The following PDE4D variants were observed in gnomAD, a reference collection of about 807,000 sequenced individuals.
PDE4D encodes 3',5'-cyclic-AMP phosphodiesterase 4D.
A neutral mutation model predicts 87.4 loss-of-function variants in PDE4D; 24 were observed. The observed-to-expected ratio is 0.27, with a 90% CI of 0.20 to 0.39. The LOEUF (loss-of-function observed/expected upper bound fraction) is 0.39, where lower values mean the gene tolerates loss of function less well. Among genes scored for constraint, PDE4D ranks in the 10% least tolerant of loss-of-function variants. The pLI, the probability that PDE4D is intolerant of heterozygous loss-of-function variation, is 1.00. For synonymous variants in PDE4D, 384 were observed against 383.2 expected, an observed-to-expected ratio of 1.00 and a Z score of -0.02; for missense variants, 714 against 1,041.0, an observed-to-expected ratio of 0.69 and a Z score of 4.32.
At chr5:59,876,204 G>A (rs951902320) in intron 1 of PDE4D, among the ~76,000 whole-genome samples, 7 of 152,012 alleles carry the variant, frequency 4.6e-5, no homozygotes, top group Non-Finnish European at 8.8e-5. Context: ...TATTTTCCAC[G>A]GTCTGTTGAA....
intron 2 of PDE4D, among the ~76,000 whole-genome samples, chr5:60,166,613 A>G (rs1782924494): frequency 2.0e-5 from 3 of 152,206 alleles, no homozygotes; most frequent in Non-Finnish European, 4.4e-5. Flanking sequence ...AAATTTGACT[A>G]TGTACTTTTA....
intron 1 of PDE4D, among the ~76,000 whole-genome samples, chr5:59,616,591 T>C (rs190112745): frequency 6.6e-6 from 1 of 152,218 alleles, no homozygotes; most frequent in South Asian, 2.1e-4. Flanking sequence ...TCTGTGATAA[T>C]GTCATGCTCC....
intron 1 of PDE4D, among the ~76,000 whole-genome samples, chr5:60,387,168 C>A (rs770728347): frequency 4.0e-4 from 61 of 152,168 alleles, no homozygotes; most frequent in Non-Finnish European, 7.8e-4. Flanking sequence ...TGATCTGTTA[C>A]AGAAAAAGCA....
intron 2 of PDE4D, among the ~76,000 whole-genome samples, chr5:60,149,520 T>C (rs541207261): frequency 6.6e-6 from 1 of 152,270 alleles, no homozygotes; most frequent in East Asian, 1.9e-4. Context: ...ACTCAAACCA[T>C]AGCAAACATA....
At chr5:59,556,218 G>C (rs1043363853) in intron 1 of PDE4D, among the ~76,000 whole-genome samples, 1 of 152,164 alleles carries the variant, frequency 6.6e-6, no homozygotes, top group Non-Finnish European at 1.5e-5. Flanking sequence ...CTGCACATCT[G>C]AGACAGAGTA....
intron 5 of PDE4D, among the ~76,000 whole-genome samples, chr5:59,143,535 C>A (rs1048853905): frequency 9.2e-5 from 14 of 152,170 alleles, no homozygotes; most frequent in Non-Finnish European, 2.1e-4. Flanking sequence ...CATCCATCTG[C>A]AAGCATAGCA....
intron 1 of PDE4D, among the ~76,000 whole-genome samples, chr5:59,290,389 T>C (rs2153554798): frequency 6.6e-6 from 1 of 152,126 alleles, no homozygotes. Flanking sequence ...AGAAGGAAAC[T>C]AGACTTCTAT....
At chr5:60,328,467 T>C (rs1757006648) in intron 1 of PDE4D, among the ~76,000 whole-genome samples, 1 of 152,246 alleles carries the variant, frequency 6.6e-6, no homozygotes, top group East Asian at 1.9e-4. Flanking sequence ...TATTCATCTA[T>C]ATTGTTGCCT....
At chr5:59,695,483 T>C (rs1196146880) in intron 1 of PDE4D, among the ~76,000 whole-genome samples, 1 of 152,234 alleles carries the variant, frequency 6.6e-6, no homozygotes, top group African/African-American at 2.4e-5. Flanking sequence ...AGGCCAATGG[T>C]CAAGTCACTC....
At chr5:59,330,303 G>A (rs35255) in intron 1 of PDE4D, among the ~76,000 whole-genome samples, 86,491 of 151,878 alleles carry the variant, frequency 0.57, 25,034 homozygotes, top group East Asian at 0.68. Flanking sequence ...GAAATATATA[G>A]TTGAAGCCAA....
At chr5:59,689,609 A>G (rs1323162696) in intron 1 of PDE4D, among the ~76,000 whole-genome samples, 1 of 152,202 alleles carries the variant, frequency 6.6e-6, no homozygotes, top group Non-Finnish European at 1.5e-5. Flanking sequence ...CCCACAGCCA[A>G]TATCATACTG....
At chr5:59,559,698 C>T (rs1262830056) in intron 1 of PDE4D, among the ~76,000 whole-genome samples, 1 of 151,972 alleles carries the variant, frequency 6.6e-6, no homozygotes, top group Admixed American at 6.6e-5. Context: ...TTAAAGACTT[C>T]CTGATTAGAA....
At chr5:59,737,932 A>C (rs985924102) in intron 1 of PDE4D, among the ~76,000 whole-genome samples, 5 of 152,170 alleles carry the variant, frequency 3.3e-5, no homozygotes, top group African/African-American at 1.2e-4. Flanking sequence ...AGACAAAGCT[A>C]TATTTCTCAA....
rs138496889 is a variant in PDE4D, at chr5:59,295,471, T to C, written c.456-79503A>G. 4.8e-3 allele frequency among the ~76,000 whole-genome samples: 734 copies of C among 152,260 alleles called. 12 individuals are homozygous for C. Among genetic ancestry groups the C allele is most frequent in the African/African-American group, 0.017 (701 of 41,548 alleles). On this transcript the variant is annotated intron_variant, in intron 1 of 14. Coordinates refer to ENST00000340635, the MANE Select transcript of PDE4D (RefSeq NM_001104631.2). ...GATAGACTTGTCCTCATCTTTAACCTCCTACTGTTCTTCTAGGTTATCCAG... is the reference window on the plus strand; with the variant it reads ...GATAGACTTGTCCTCATCTTTAACCCCCTACTGTTCTTCTAGGTTATCCAG...
intron 1 of PDE4D, among the ~76,000 whole-genome samples, chr5:60,234,541 C>T (rs775029277): frequency 4.6e-5 from 7 of 151,758 alleles, no homozygotes; most frequent in East Asian, 1.9e-4. Context: ...AAAGAGACTG[C>T]GCTATTTTAT....
intron 1 of PDE4D, among the ~76,000 whole-genome samples, chr5:60,471,655 C>CA (rs1747819098): frequency 1.3e-5 from 2 of 152,112 alleles, no homozygotes; most frequent in Non-Finnish European, 2.9e-5. Flanking sequence ...TCTCCACCAG[C>CA]AAAAAAATTA....
intron 1 of PDE4D, among the ~76,000 whole-genome samples, chr5:59,229,856 T>A (rs1255817949): frequency 6.6e-6 from 1 of 152,206 alleles, no homozygotes; most frequent in African/African-American, 2.4e-5. Context: ...TGGAGTGCAA[T>A]GGTGCGATCT....
intron 1 of PDE4D, among the ~76,000 whole-genome samples, chr5:60,340,904 C>T (rs956859915): frequency 6.6e-6 from 1 of 152,128 alleles, no homozygotes; most frequent in Non-Finnish European, 1.5e-5. Flanking sequence ...ATTTCCCAGT[C>T]TTCCATTTCT....
chr5:60,428,914 C>G (rs1298467930), intron 1 of PDE4D, among the ~76,000 whole-genome samples: 1 of 152,166 alleles, frequency 6.6e-6, no homozygotes, highest in African/African-American at 2.4e-5. Flanking sequence ...AGACAGACTT[C>G]GGTCCAAAGT....
Sources: gnomAD v4.1 joint callset for allele counts (sites outside exome capture counted in the v4.1 genomes callset) on GRCh38, gnomAD v4.1.1 for gene constraint, MANE v1.5 for transcripts, NCBI Gene and HGNC (gene_info 2026-07-23, HGNC 2026-07-21) for gene names.